CA10: variants seen among roughly 807,000 people sequenced by gnomAD.
CA10 encodes carbonic anhydrase-related protein 10.
CA10 carries 14 observed loss-of-function variants against 44.2 expected under a neutral mutation model. That is an observed-to-expected ratio of 0.32 (90% CI 0.21 to 0.50). The LOEUF (loss-of-function observed/expected upper bound fraction) is 0.50. Among genes scored for constraint, CA10 ranks in the 20% least tolerant of loss-of-function variants. The probability of loss-of-function intolerance (pLI) is 0.99; values close to 1 mark genes in which losing one functional copy is unlikely to be tolerated. For missense variants in CA10, 350 were observed against 409.7 expected, an observed-to-expected ratio of 0.85 and a Z score of 1.26; for synonymous variants, 159 against 141.6, an observed-to-expected ratio of 1.12 and a Z score of -0.87.
At chr17:51,664,445 A>AG (rs1232049865) in intron 4 of CA10, among the ~76,000 whole-genome samples, 1 of 152,116 alleles carries the variant, frequency 6.6e-6, no homozygotes, top group Non-Finnish European at 1.5e-5. Flanking sequence ...TGAATGAAGC[A>AG]GAAAAAAAGG....
At chr17:51,796,070 G>A (rs898515587) in intron 3 of CA10, among the ~76,000 whole-genome samples, 2 of 152,148 alleles carry the variant, frequency 1.3e-5, no homozygotes, top group African/African-American at 2.4e-5. Flanking sequence ...GGAACCTGGG[G>A]GTGCTGATTT....
intron 4 of CA10, among the ~76,000 whole-genome samples, chr17:51,692,387 CTA>C (rs1915235480): frequency 2.4e-5 from 3 of 124,894 alleles, no homozygotes; most frequent in Admixed American, 1.7e-4. Context: ...ATCTATCTAT[CTA>C]TCTATCTATC....
At chr17:52,140,002 T>C (rs967974118) in intron 1 of CA10, among the ~76,000 whole-genome samples, 1 of 152,232 alleles carries the variant, frequency 6.6e-6, no homozygotes, top group Admixed American at 6.5e-5. Flanking sequence ...ACACGGTCTC[T>C]AGTGATCTGA....
At chr17:52,110,493 T>C (rs1164549504) in intron 1 of CA10, among the ~76,000 whole-genome samples, 1 of 152,236 alleles carries the variant, frequency 6.6e-6, no homozygotes, top group African/African-American at 2.4e-5. Flanking sequence ...TAGCAATTGA[T>C]GTGATAAATA....
chr17:51,904,574 G>C (rs954006719), intron 3 of CA10, among the ~76,000 whole-genome samples: 2 of 152,022 alleles, frequency 1.3e-5, no homozygotes, highest in African/African-American at 4.8e-5. Context: ...AAAGTCACGT[G>C]ATACACTTTT....
At chr17:51,909,229 C>A (rs908525106) in intron 3 of CA10, among the ~76,000 whole-genome samples, 2 of 152,100 alleles carry the variant, frequency 1.3e-5, no homozygotes, top group Non-Finnish European at 2.9e-5. Context: ...CTCATTTTTT[C>A]CAGCTAAAGC....
intron 4 of CA10, among the ~76,000 whole-genome samples, chr17:51,695,054 T>C (rs1386925213): frequency 6.6e-6 from 1 of 152,254 alleles, no homozygotes; most frequent in Admixed American, 6.5e-5. Context: ...TTTTGGTTAC[T>C]GTGGCCTTAT....
At chr17:52,028,754 T>C (rs1986375605) in intron 2 of CA10, among the ~76,000 whole-genome samples, 1 of 152,206 alleles carries the variant, frequency 6.6e-6, no homozygotes, top group South Asian at 2.1e-4. Flanking sequence ...GCCATCATCT[T>C]GATTTAGACA....
chr17:52,019,867 G>C (rs1331050248), intron 2 of CA10, among the ~76,000 whole-genome samples: 1 of 151,608 alleles, frequency 6.6e-6, no homozygotes, highest in Non-Finnish European at 1.5e-5. Context: ...TTACATTCCT[G>C]TTATTTACTT....
At chr17:51,850,470 G>A (rs549211153) in intron 3 of CA10, among the ~76,000 whole-genome samples, 22 of 152,288 alleles carry the variant, frequency 1.4e-4, no homozygotes, top group African/African-American at 4.8e-4. Flanking sequence ...AGAACAGAAT[G>A]AGATTTCTTG....
chr17:52,055,894 GTATT>G (rs1315675884), intron 2 of CA10, among the ~76,000 whole-genome samples: 1 of 152,090 alleles, frequency 6.6e-6, no homozygotes, highest in African/African-American at 2.4e-5. Flanking sequence ...AAGCATAAAA[GTATT>G]TATAATTGAT....
At chr17:51,908,274 G>A (rs977128063) in intron 3 of CA10, among the ~76,000 whole-genome samples, 2 of 152,136 alleles carry the variant, frequency 1.3e-5, no homozygotes, top group Admixed American at 6.5e-5. Flanking sequence ...CCCTGGGAGA[G>A]CTCATGCATG....
rs532621259 is a variant in CA10 at position 51,839,293 on chromosome 17, C to T, written c.280-91475G>A. Among the ~76,000 whole-genome samples the T allele has an allele frequency of 2.6e-5, 4 of 152,066 alleles. No individual in the cohort carries two copies. In the South Asian group the frequency reaches 8.3e-4, roughly 32 times the overall value. On this transcript the variant is annotated intron_variant, in intron 3 of 8. Transcript: ENST00000451037. ...GGATCACGAGGTCAGGAGATCGAGA[C>T]CTTCCTGGCTAACACGGTGAAACCC...
intron 3 of CA10, among the ~76,000 whole-genome samples, chr17:51,890,533 C>T (rs2087455615): frequency 1.3e-5 from 2 of 152,156 alleles, no homozygotes; most frequent in African/African-American, 2.4e-5. Flanking sequence ...TTAAACCTCG[C>T]TTGAATGATT....
intron 4 of CA10, among the ~76,000 whole-genome samples, chr17:51,671,595 G>A (rs1011407788): frequency 6.6e-6 from 1 of 152,020 alleles, no homozygotes. Flanking sequence ...TAGTAAAGAC[G>A]TGATTTCACC....
chr17:51,935,768 G>A (rs558129425), intron 2 of CA10, among the ~76,000 whole-genome samples: 10 of 152,230 alleles, frequency 6.6e-5, no homozygotes, highest in African/African-American at 2.4e-4. Flanking sequence ...TCAGCTGCTT[G>A]TTCAGACCCA....
At chr17:51,820,420 C>G (rs1339275029) in intron 3 of CA10, among the ~76,000 whole-genome samples, 55 of 78,382 alleles carry the variant, frequency 7.0e-4, no homozygotes, top group Middle Eastern at 5.0e-3. Flanking sequence ...CCCCCCCCCG[C>G]CCGCCGATTT....
At chr17:51,813,186 C>T (rs1907437637) in intron 3 of CA10, among the ~76,000 whole-genome samples, 1 of 152,162 alleles carries the variant, frequency 6.6e-6, no homozygotes. Flanking sequence ...GCAGCTTCCT[C>T]TAGTGATGGT....
rs62063176 is a variant in CA10, at chr17:51,777,150, A to C, written c.280-29332T>G. Among the ~76,000 whole-genome samples the C allele has an allele frequency of 4.8e-3, 731 of 152,342 alleles. 5 individuals are homozygous for C. Among genetic ancestry groups the C allele is most frequent in the Non-Finnish European group, 6.1e-3 (413 of 68,024 alleles). On this transcript the variant is annotated intron_variant, in intron 3 of 8. Coordinates refer to ENST00000451037, the MANE Select transcript of CA10 (RefSeq NM_020178.5). ...AGGTTTCTGGCTTACAATTGTGTGA[A>C]TAGTAGTAGCATTTACTGCGATAGG...
Sources: allele counts gnomAD v4.1 joint callset (sites outside exome capture counted in the v4.1 genomes callset), GRCh38; gene constraint gnomAD v4.1.1; transcripts MANE v1.5; gene names NCBI Gene and HGNC (gene_info 2026-07-23, HGNC 2026-07-21).